SCHIP1: variants seen among roughly 807,000 people sequenced by gnomAD.
SCHIP1 encodes the protein schwannomin-interacting protein 1.
In SCHIP1, 8 loss-of-function variants were observed where a neutral mutation model predicts 29.7. That is an observed-to-expected ratio of 0.27 (90% CI 0.16 to 0.49). The LOEUF (loss-of-function observed/expected upper bound fraction) is 0.49, where lower values mean the gene tolerates loss of function less well. SCHIP1 is among the 20% of genes least tolerant of loss of function. The pLI, the probability that SCHIP1 is intolerant of heterozygous loss-of-function variation, is 0.99. For synonymous variants in SCHIP1, 76 were observed against 94.9 expected (o/e 0.80, Z 1.16); for missense variants, 193 against 294.6 (o/e 0.66, Z 2.52).
the SCHIP1 span, chr3:159,399,002 C>G: frequency 1.0e-6 from 1 of 957,828 alleles, no homozygotes; most frequent in Non-Finnish European, 1.2e-6. Context: ...ACTGTTCCCA[C>G]TCTAACCTTA....
the SCHIP1 span, among the ~76,000 whole-genome samples, chr3:159,722,649 A>G: frequency 1.3e-5 from 2 of 152,104 alleles, no homozygotes; most frequent in Admixed American, 6.5e-5. Flanking sequence ...AGAGAGAAGC[A>G]TGTATGTGTG....
the SCHIP1 span, among the ~76,000 whole-genome samples, chr3:159,693,032 A>G: frequency 1.8e-4 from 27 of 152,170 alleles, 1 homozygote; most frequent in Non-Finnish European, 2.9e-4. Context: ...GTAGATTTTG[A>G]ATAAAGACAT....
chr3:159,833,110 G>A, the SCHIP1 span, among the ~76,000 whole-genome samples: 2 of 152,142 alleles, frequency 1.3e-5, no homozygotes, highest in Non-Finnish European at 2.9e-5. Context: ...AGGGACTACT[G>A]AGTTAGTTTT....
chr3:159,855,219 TTA>T (rs1246123838), intron 1 of SCHIP1, among the ~76,000 whole-genome samples: 2 of 152,236 alleles, frequency 1.3e-5, no homozygotes, highest in African/African-American at 4.8e-5. Flanking sequence ...TTTCAAATGT[TTA>T]TGTGTATCGT....
At chr3:159,465,341 TTGTGTGCGTGTGTGTGTG>T in the SCHIP1 span, among the ~76,000 whole-genome samples, 1 of 136,518 alleles carries the variant, frequency 7.3e-6, no homozygotes, top group African/African-American at 2.8e-5. Context: ...GTGTGTGTGT[TTGTGTGCGTGTGTGTGTG>T]TGTGGAAATT....
At chr3:159,499,626 A>G in the SCHIP1 span, among the ~76,000 whole-genome samples, 1 of 152,398 alleles carries the variant, frequency 6.6e-6, no homozygotes, top group South Asian at 2.1e-4. Context: ...CAAATTATGT[A>G]GCCCCACCTC....
the SCHIP1 span, among the ~76,000 whole-genome samples, chr3:159,492,176 C>A: frequency 3.9e-5 from 6 of 152,134 alleles, no homozygotes; most frequent in Non-Finnish European, 8.8e-5. Flanking sequence ...AAACCGGAAA[C>A]TCTAAAAATC....
At chr3:159,863,792 A>G (rs1310256998) in intron 1 of SCHIP1, among the ~76,000 whole-genome samples, 1 of 152,196 alleles carries the variant, frequency 6.6e-6, no homozygotes, top group African/African-American at 2.4e-5. Context: ...ACTGTTAGTG[A>G]AGTATTTGGG....
At chr3:159,623,308 T>C in the SCHIP1 span, among the ~76,000 whole-genome samples, 1 of 152,182 alleles carries the variant, frequency 6.6e-6, no homozygotes, top group Non-Finnish European at 1.5e-5. Context: ...ACTTGAGAAG[T>C]ATATACCTCT....
the SCHIP1 span, among the ~76,000 whole-genome samples, chr3:159,570,838 T>C: frequency 6.6e-6 from 1 of 152,212 alleles, no homozygotes; most frequent in South Asian, 2.1e-4. Flanking sequence ...TGGTTTCTAG[T>C]TCTCCTTGAA....
At chr3:159,670,691 T>A in the SCHIP1 span, among the ~76,000 whole-genome samples, 9 of 151,002 alleles carry the variant, frequency 6.0e-5, no homozygotes, top group African/African-American at 2.2e-4. Context: ...TTTGATGGTA[T>A]CTTAGAATTT....
At chr3:159,433,746 T>C in the SCHIP1 span, among the ~76,000 whole-genome samples, 1 of 152,136 alleles carries the variant, frequency 6.6e-6, no homozygotes, top group Admixed American at 6.6e-5. Flanking sequence ...GTAGATAATA[T>C]ATGTAAGTCA....
chr3:159,653,484 G>A, the SCHIP1 span, among the ~76,000 whole-genome samples: 517 of 150,388 alleles, frequency 3.4e-3, 6 homozygotes, highest in African/African-American at 0.012. Flanking sequence ...TACTAACACA[G>A]GAACAGAAAA....
the SCHIP1 span, among the ~76,000 whole-genome samples, chr3:159,550,281 A>T: frequency 6.6e-6 from 1 of 151,992 alleles, no homozygotes; most frequent in Admixed American, 6.6e-5. Flanking sequence ...TTTGTATTAA[A>T]TTTTTTGACT....
At chr3:159,585,776 A>G in the SCHIP1 span, among the ~76,000 whole-genome samples, 22 of 152,116 alleles carry the variant, frequency 1.4e-4, no homozygotes, top group Non-Finnish European at 2.4e-4. Context: ...CTTAACAGCT[A>G]TACTATATCT....
At chr3:159,837,582 G>T (rs1376949262), upstream of SCHIP1, among the ~76,000 whole-genome samples, 2 of 152,130 alleles carry the variant, frequency 1.3e-5, no homozygotes, top group African/African-American at 2.4e-5. Flanking sequence ...AATTAGCCGG[G>T]CGTGGTGGTG....
intron 2 of SCHIP1, among the ~76,000 whole-genome samples, chr3:159,876,985 G>A (rs1032914738): frequency 1.2e-4 from 18 of 152,172 alleles, no homozygotes; most frequent in African/African-American, 4.3e-4. Flanking sequence ...TTATTACCTG[G>A]TTTGTGGGCT....
chr3:159,468,400 T>C, the SCHIP1 span, among the ~76,000 whole-genome samples: 3 of 152,070 alleles, frequency 2.0e-5, no homozygotes, highest in South Asian at 6.2e-4. Context: ...CTGAAGGACT[T>C]TCACAAACCT....
the SCHIP1 span, among the ~76,000 whole-genome samples, chr3:159,377,790 C>A: frequency 6.6e-6 from 1 of 152,122 alleles, no homozygotes; most frequent in Admixed American, 6.5e-5. Flanking sequence ...TAGGAGAAAT[C>A]TTTACTGATT....
Sources: allele counts gnomAD v4.1 joint callset (sites outside exome capture counted in the v4.1 genomes callset), GRCh38; gene constraint gnomAD v4.1.1; transcripts MANE v1.5; gene names NCBI Gene and HGNC (gene_info 2026-07-23, HGNC 2026-07-21).